Variants in MR1 observed in about 807,000 individuals in gnomAD.
MR1 encodes the protein major histocompatibility complex class I-related protein 1.
Under a neutral mutation model 37.8 loss-of-function variants are expected in MR1, and 44 were observed. The ratio of observed to expected loss-of-function variants is 1.16; its 90% CI spans 0.91 to 1.50. MR1 has a LOEUF of 1.50. Among genes scored for constraint, MR1 ranks in the 40% most tolerant of loss-of-function variants. The pLI, the probability that MR1 is intolerant of heterozygous loss-of-function variation, is 0.00. For missense variants in MR1, 386 were observed against 419.1 expected (o/e 0.92, Z 0.69); for synonymous variants, 153 against 155.8 (o/e 0.98, Z 0.13).
chr1:181,039,058 G>C (rs1270431950), intron 1 of MR1, among the ~76,000 whole-genome samples: 1 of 151,822 alleles, frequency 6.6e-6, no homozygotes, highest in South Asian at 2.1e-4. Context: ...GCCTGCCTTG[G>C]CCCCCCAAAG....
chr1:181,046,372 C>T (rs1040608086), intron 1 of MR1, among the ~76,000 whole-genome samples: 1 of 152,118 alleles, frequency 6.6e-6, no homozygotes, highest in Non-Finnish European at 1.5e-5. Flanking sequence ...GTATCTAGCT[C>T]AAGGTTTGTA....
In MR1 at chr1:181,051,590, A is replaced by G. The variant is rs374636537; in HGVS notation, c.605-645A>G. Reference sequence around the variant, plus strand: ...CCAATTTCAGCAAGAAACATTAAGGACAGGACTGTATGGAAAATTAAGAGT... The same window carrying G: ...CCAATTTCAGCAAGAAACATTAAGGGCAGGACTGTATGGAAAATTAAGAGT... On this transcript the variant is annotated intron_variant, in intron 3 of 5. Coordinates refer to ENST00000367580, the MANE Select transcript of MR1 (RefSeq NM_001385161.1). 2.9e-4 allele frequency among the ~76,000 whole-genome samples: 44 copies of G among 152,310 alleles called. 4 individuals are homozygous for G. The highest frequency in any genetic ancestry group is 2.1e-3 in the East Asian group (11 of 5,188).
chr1:181,051,719 C>T (rs887890867), intron 3 of MR1, among the ~76,000 whole-genome samples: 4 of 152,180 alleles, frequency 2.6e-5, no homozygotes, highest in Non-Finnish European at 5.9e-5. Flanking sequence ...GCATGATCTA[C>T]TACATATGTT....
intron 3 of MR1, chr1:181,050,803 G>A (rs1658268587): frequency 6.1e-6 from 1 of 163,834 alleles, no homozygotes; most frequent in South Asian, 1.6e-4. Flanking sequence ...ACTGGCCTGG[G>A]TAACATTGTG....
chr1:181,057,729 T>C lies in MR1; in HGVS notation c.*2464T>C, dbSNP rs1240435431. 6.6e-6 allele frequency: 1 copy of C among 152,064 alleles called. No homozygotes were observed. The highest frequency in any genetic ancestry group is 1.9e-4 in the East Asian group (1 of 5,192). The allele number at this position is 152,064 out of a possible 1,614,324, so 9.4% of individuals were successfully genotyped here. ...AAAGAGATGATTAAAAAAAAAATAC[T>C]GCCGGGCACGGTGGCTCATGCCTGT... is the stretch of plus-strand genomic sequence containing the variant. On this transcript the variant is annotated 3_prime_UTR_variant, in exon 6 of 6. Coordinates refer to ENST00000367580, the MANE Select transcript of MR1 (RefSeq NM_001385161.1).
rs1364898056 is a variant in MR1 at position 181,053,648 on chromosome 1, G to T, written c.956G>T (p.Gly319Val). Residue 319 changes from glycine (G) to valine (V), a missense_variant, in exon 5 of 6, where the codon GGT becomes GTT. Physicochemically the swap from Gly to Val is moderately radical, Grantham distance 109. Transcript: ENST00000367580. Reference protein sequence around the residue: ...IVLVIVLAGVGVLVWRRRPRE... With the variant: ...IVLVIVLAGVVVLVWRRRPRE... ...CTTGTCATTGTGCTGGCTGGAGTTG[G>T]TGTTCTAGTCTGGAGAAGAAGGCCC... is the stretch of plus-strand genomic sequence containing the variant. 5 of 1,613,838 alleles carry T rather than the reference G, an allele frequency of 3.1e-6. No homozygotes were observed. The highest frequency in any genetic ancestry group is 4.2e-6 in the Non-Finnish European group (5 of 1,179,766).
intron 1 of MR1, among the ~76,000 whole-genome samples, chr1:181,035,074 A>ACATC (rs1479025154): frequency 6.6e-6 from 1 of 152,110 alleles, no homozygotes; most frequent in African/African-American, 2.4e-5. Flanking sequence ...GCCGAGGCAG[A>ACATC]CGGATCGCTT....
At chr1:181,037,850 CTCAT>C (rs1657355035) in intron 1 of MR1, among the ~76,000 whole-genome samples, 1 of 152,132 alleles carries the variant, frequency 6.6e-6, no homozygotes, top group Non-Finnish European at 1.5e-5. Context: ...GACACCAGAG[CTCAT>C]TCATTCGTTT....
At position 181,057,455 on chromosome 1, in the gene MR1, C is replaced by T. The variant is rs1269501145; in HGVS notation, c.*2190C>T. ...TTTAAAGTGAAAAGGTACATATTTA[C>T]ATAGACACAGGTGATAATGTATCTA... On this transcript the variant is annotated 3_prime_UTR_variant, in exon 6 of 6. Coordinates refer to ENST00000367580, the MANE Select transcript of MR1 (RefSeq NM_001385161.1). 1 of 152,176 alleles carries T rather than the reference C, an allele frequency of 6.6e-6. No homozygotes were observed. Among genetic ancestry groups the T allele is most frequent in the African/African-American group, 2.4e-5 (1 of 41,442 alleles). 9.4% of individuals were successfully genotyped at this position (152,176 alleles called of 1,614,324 possible). A position where few individuals can be genotyped will look rare whatever the true frequency, so the allele number is the denominator to read the frequency against.
rs1376444176 is a variant in MR1 at position 181,060,924 on chromosome 1, G to C, written c.*5659G>C. 2 of 152,216 alleles carry C rather than the reference G, an allele frequency of 1.3e-5. No homozygotes were observed. The highest frequency in any genetic ancestry group is 4.8e-5 in the African/African-American group (2 of 41,426). 9.4% of individuals were successfully genotyped at this position (152,216 alleles called of 1,614,324 possible). On this transcript the variant is annotated 3_prime_UTR_variant, in exon 6 of 6. Coordinates refer to ENST00000367580, the MANE Select transcript of MR1 (RefSeq NM_001385161.1). ...TGGACATAAGATTTGGGGTCCCCTG[G>C]ATATAAGATTTCTGAAAACACTCAG...
intron 2 of MR1, chr1:181,049,791 T>C (rs976788918): frequency 2.1e-5 from 12 of 581,064 alleles, no homozygotes; most frequent in African/African-American, 5.6e-5. Flanking sequence ...AGGCGGGAAT[T>C]AGCACACTCC....
At chr1:181,051,507 A>G (rs1658321407) in intron 3 of MR1, among the ~76,000 whole-genome samples, 1 of 152,008 alleles carries the variant, frequency 6.6e-6, no homozygotes, top group Non-Finnish European at 1.5e-5. Context: ...CAAGTCAGAG[A>G]TGAGCAGGAA....
Position 181,034,091 on chromosome 1 carries a change from C to T in MR1, c.67+17C>T, listed in dbSNP as rs952415255. Reference sequence around the variant, plus strand: ...GCGATTCCCGTGAGTATCCCACGTCCTCTTCTCTCCTAACTCCAAAGTCGA... The same window carrying T: ...GCGATTCCCGTGAGTATCCCACGTCTTCTTCTCTCCTAACTCCAAAGTCGA... On this transcript the variant is annotated intron_variant, in intron 1 of 5. Coordinates refer to ENST00000367580, the MANE Select transcript of MR1 (RefSeq NM_001385161.1). 1 of 1,607,794 alleles carries T rather than the reference C, an allele frequency of 6.2e-7. No homozygotes were observed. Among genetic ancestry groups the T allele is most frequent in the Admixed American group, 1.7e-5 (1 of 58,252 alleles).
chr1:181,057,120 C>CAA lies in MR1; in HGVS notation c.*1865_*1866dup. 1 of 149,310 alleles carries CAA rather than the reference C, an allele frequency of 6.7e-6. No individual in the cohort carries two copies. Among genetic ancestry groups the CAA allele is most frequent in the Non-Finnish European group, 1.5e-5 (1 of 67,164 alleles). 9.2% of individuals were successfully genotyped at this position (149,310 alleles called of 1,614,324 possible). A position where few individuals can be genotyped will look rare whatever the true frequency, so the allele number is the denominator to read the frequency against. On this transcript the variant is annotated 3_prime_UTR_variant, in exon 6 of 6. Transcript: ENST00000367580. Reference sequence around the variant, plus strand: ...GGGCAACGGAGCAAGACTCTGTCTCCAAAAAAAAAAAGAAAGATACCCTCA... The same window carrying CAA: ...GGGCAACGGAGCAAGACTCTGTCTCCAAAAAAAAAAAAAGAAAGATACCCTCA...
rs144608335 is a variant in MR1, at chr1:181,036,322, C to G, written c.67+2248C>G. Among the ~76,000 whole-genome samples, 435 of 152,204 alleles carry G rather than the reference C, an allele frequency of 2.9e-3. 2 individuals carry two copies. The highest frequency in any genetic ancestry group is 0.01 in the African/African-American group (417 of 41,538). On this transcript the variant is annotated intron_variant, in intron 1 of 5. Coordinates refer to ENST00000367580, the MANE Select transcript of MR1 (RefSeq NM_001385161.1). The stretch of plus-strand genomic sequence containing the variant: ...CCTTGTTTGTTCCGTTAACCTTGAC[C>G]ATATCTCTGCAAGGAGTCCCTTCAT...
At chr1:181,039,608 G>A (rs1247962008) in intron 1 of MR1, among the ~76,000 whole-genome samples, 2 of 152,136 alleles carry the variant, frequency 1.3e-5, no homozygotes, top group African/African-American at 2.4e-5. Flanking sequence ...GCTCACGCCT[G>A]TAATCCCAAC....
intron 1 of MR1, among the ~76,000 whole-genome samples, chr1:181,036,580 G>A (rs536169439): frequency 3.3e-5 from 5 of 152,232 alleles, no homozygotes; most frequent in African/African-American, 1.2e-4. Flanking sequence ...CATTACTCCA[G>A]GAAATGTCAA....
In MR1 at chr1:181,061,229, C is replaced by T. The variant is rs1433127002; in HGVS notation, c.*5964C>T. ...ATTTGTTCTGTTTCTGGTTTGTGAA[C>T]CAACTGAAGACATAAGCAGGGCCTC... On this transcript the variant is annotated 3_prime_UTR_variant, in exon 6 of 6. Coordinates refer to ENST00000367580, the MANE Select transcript of MR1 (RefSeq NM_001385161.1). 3 of 152,212 alleles carry T rather than the reference C, an allele frequency of 2.0e-5. No individual in the cohort carries two copies. Among genetic ancestry groups the T allele is most frequent in the Non-Finnish European group, 2.9e-5 (2 of 68,042 alleles). 9.4% of individuals were successfully genotyped at this position (152,212 alleles called of 1,614,324 possible).
chr1:181,038,730 A>C (rs1254798827), intron 1 of MR1, among the ~76,000 whole-genome samples: 1 of 152,252 alleles, frequency 6.6e-6, no homozygotes, highest in Non-Finnish European at 1.5e-5. Context: ...TGGAGAGATC[A>C]CAGTGTGATT....
Sources: gnomAD v4.1 joint callset for allele counts (sites outside exome capture counted in the v4.1 genomes callset) on GRCh38, gnomAD v4.1.1 for gene constraint, MANE v1.5 for transcripts, NCBI Gene and HGNC (gene_info 2026-07-23, HGNC 2026-07-21) for gene names.